The following PCDH15 variants were observed in gnomAD, a reference collection of about 807,000 sequenced individuals.
The protein encoded by PCDH15 is protocadherin related 15, also known as protocadherin-15.
PCDH15 carries 129 observed loss-of-function variants against 178.5 expected under a neutral mutation model. That is an observed-to-expected ratio of 0.72 (90% confidence interval 0.63 to 0.84). The LOEUF (loss-of-function observed/expected upper bound fraction) is 0.84, where lower values mean the gene tolerates loss of function less well. PCDH15 is among the 40% of genes least tolerant of loss of function. The probability of loss-of-function intolerance (pLI) is 0.00; values close to 1 mark genes in which losing one functional copy is unlikely to be tolerated. For missense variants in PCDH15, 2,230 were observed against 2,099.9 expected (o/e 1.06, Z -1.21); for synonymous variants, 800 against 732.0 (o/e 1.09, Z -1.50).
chr10:55,165,677 G>A (rs1839177184), intron 2 of PCDH15, among the ~76,000 whole-genome samples: 1 of 151,760 alleles, frequency 6.6e-6, no homozygotes, highest in Non-Finnish European at 1.5e-5. Flanking sequence ...CATTTTTTCT[G>A]GAGCCAGGAG....
intron 2 of PCDH15, among the ~76,000 whole-genome samples, chr10:55,145,026 A>C (rs1838465782): frequency 6.6e-6 from 1 of 152,090 alleles, no homozygotes; most frequent in African/African-American, 2.4e-5. Context: ...TAACATGACA[A>C]ATATAAATAG....
Position 55,160,266 on chromosome 10 carries a change from C to T in PCDH15, c.-80+6310G>A, listed in dbSNP as rs543084618. Among the ~76,000 whole-genome samples, 15 of 151,818 alleles carry T rather than the reference C, an allele frequency of 9.9e-5. 1 individual carries two copies. In the South Asian group the frequency reaches 3.1e-3, roughly 32 times the overall value. On this transcript the variant is annotated intron_variant, in intron 2 of 5. Coordinates refer to the PCDH15 transcript ENST00000458638. The stretch of plus-strand genomic sequence containing the variant: ...ACTAGAGAGTCAGCAGTAATCTCTC[C>T]ACCTAAAGGAAAGTTGAAAGCAATC...
chr10:55,463,730 A>G (rs900930993), intron 2 of PCDH15, among the ~76,000 whole-genome samples: 17 of 151,824 alleles, frequency 1.1e-4, no homozygotes, highest in African/African-American at 1.9e-4. Context: ...AACTGCGTCA[A>G]ACTCAATCAC....
chr10:54,765,612 A>G (rs1948416893), intron 1 of PCDH15, among the ~76,000 whole-genome samples: 2 of 152,188 alleles, frequency 1.3e-5, no homozygotes, highest in Admixed American at 1.3e-4. Flanking sequence ...CCTGTATTAC[A>G]GTGAAAAATA....
chr10:54,677,705 CA>C (rs1212084295), intron 1 of PCDH15, among the ~76,000 whole-genome samples: 19 of 152,114 alleles, frequency 1.2e-4, no homozygotes, highest in African/African-American at 4.6e-4. Context: ...TTTTAGGTAA[CA>C]TTGAGTGTCT....
At chr10:55,004,412 T>A (rs1358656423) in intron 2 of PCDH15, among the ~76,000 whole-genome samples, 6 of 152,124 alleles carry the variant, frequency 3.9e-5, no homozygotes, top group Admixed American at 1.3e-4. Flanking sequence ...TTACCCTCTA[T>A]GTCTCAAAAC....
intron 3 of PCDH15, among the ~76,000 whole-genome samples, chr10:54,445,004 G>T (rs2136211256): frequency 6.6e-6 from 1 of 151,300 alleles, no homozygotes; most frequent in South Asian, 2.1e-4. Context: ...TTCAAGGAAA[G>T]AATCATTCTC....
chr10:54,895,480 C>A (rs2131820088), intron 3 of PCDH15, among the ~76,000 whole-genome samples: 1 of 152,254 alleles, frequency 6.6e-6, no homozygotes, highest in African/African-American at 2.4e-5. Flanking sequence ...CTTATTTCAT[C>A]ATTACTGTAT....
At chr10:55,223,354 C>T (rs1337958368) in intron 1 of PCDH15, among the ~76,000 whole-genome samples, 1 of 152,084 alleles carries the variant, frequency 6.6e-6, no homozygotes, top group Non-Finnish European at 1.5e-5. Flanking sequence ...GCAGCTTTTA[C>T]ATGCACCTTT....
intron 25 of PCDH15, among the ~76,000 whole-genome samples, chr10:53,923,295 A>G (rs772305262): frequency 2.4e-4 from 36 of 152,196 alleles, no homozygotes; most frequent in Admixed American, 8.5e-4. Context: ...CAAGATACCA[A>G]AAGGGATAAG....
intron 1 of PCDH15, among the ~76,000 whole-genome samples, chr10:55,227,222 C>CA (rs568618858): frequency 4.9e-4 from 74 of 152,022 alleles, no homozygotes; most frequent in Admixed American, 1.6e-3. Context: ...GCCTTCTCGA[C>CA]AAAAAAACTG....
intron 2 of PCDH15, among the ~76,000 whole-genome samples, chr10:54,537,214 T>C (rs1168142494): frequency 6.6e-6 from 1 of 152,064 alleles, no homozygotes; most frequent in Non-Finnish European, 1.5e-5. Context: ...TTAGCCAGGA[T>C]GGTCGCGATC....
At chr10:54,929,950 T>A (rs1192175448) in intron 2 of PCDH15, among the ~76,000 whole-genome samples, 1 of 152,142 alleles carries the variant, frequency 6.6e-6, no homozygotes, top group Non-Finnish European at 1.5e-5. Context: ...TTCCGTGAAG[T>A]TTACTTTTTA....
intron 3 of PCDH15, among the ~76,000 whole-genome samples, chr10:54,422,110 T>TG (rs1955603193): frequency 6.6e-6 from 1 of 151,736 alleles, no homozygotes; most frequent in Non-Finnish European, 1.5e-5. Context: ...TATGAATTAT[T>TG]GGATAGATTG....
chr10:54,123,117 A>C (rs990779037), intron 15 of PCDH15, among the ~76,000 whole-genome samples: 7 of 152,144 alleles, frequency 4.6e-5, no homozygotes, highest in Admixed American at 2.6e-4. Context: ...TTGGCAAAGG[A>C]TTTATGATTA....
At chr10:55,570,625 T>C (rs1342346576) in intron 2 of PCDH15, among the ~76,000 whole-genome samples, 1 of 152,046 alleles carries the variant, frequency 6.6e-6, no homozygotes, top group African/African-American at 2.4e-5. Flanking sequence ...GAATGTCTTC[T>C]TGTATAAAGT....
At chr10:55,093,152 G>A (rs1021073390) in intron 2 of PCDH15, among the ~76,000 whole-genome samples, 1 of 151,796 alleles carries the variant, frequency 6.6e-6, no homozygotes, top group Non-Finnish European at 1.5e-5. Context: ...GGTATTATAT[G>A]GTATCCATTA....
chr10:55,140,546 A>G (rs1838322343), intron 2 of PCDH15, among the ~76,000 whole-genome samples: 1 of 151,960 alleles, frequency 6.6e-6, no homozygotes, highest in Admixed American at 6.6e-5. Context: ...TACATTCATG[A>G]CATACTGTTA....
At chr10:55,333,431 T>C (rs150878577) in intron 2 of PCDH15, among the ~76,000 whole-genome samples, 42 of 152,230 alleles carry the variant, frequency 2.8e-4, no homozygotes, top group Middle Eastern at 6.8e-3. Context: ...AAAGAGGATG[T>C]ATTTTAAATG....
Sources: gnomAD v4.1 joint callset for allele counts (sites outside exome capture counted in the v4.1 genomes callset) on GRCh38, gnomAD v4.1.1 for gene constraint, MANE v1.5 for transcripts, NCBI Gene and HGNC (gene_info 2026-07-23, HGNC 2026-07-21) for gene names.